CCSER1: variants seen among roughly 807,000 people sequenced by gnomAD.
CCSER1 encodes the protein serine-rich coiled-coil domain-containing protein 1.
CCSER1 carries 41 observed loss-of-function variants against 82.0 expected under a neutral mutation model. The ratio of observed to expected loss-of-function variants is 0.50; its 90% CI spans 0.39 to 0.65. The LOEUF is 0.65. Among genes scored for constraint, CCSER1 ranks in the 30% least tolerant of loss-of-function variants. The pLI, the probability that CCSER1 is intolerant of heterozygous loss-of-function variation, is 0.00. For missense variants in CCSER1, 1,119 were observed against 1,064.2 expected, an observed-to-expected ratio of 1.05 and a Z score of -0.72; for synonymous variants, 414 against 383.9, an observed-to-expected ratio of 1.08 and a Z score of -0.92.
chr4:91,462,900 C>A (rs1250911738), intron 10 of CCSER1, among the ~76,000 whole-genome samples: 1 of 152,256 alleles, frequency 6.6e-6, no homozygotes, highest in East Asian at 1.9e-4. Context: ...CTCAAGGAGG[C>A]CTGCCTACCT....
intron 8 of CCSER1, among the ~76,000 whole-genome samples, chr4:90,903,987 A>AT (rs33982537): frequency 1.3e-5 from 2 of 151,758 alleles, no homozygotes; most frequent in African/African-American, 2.4e-5. Context: ...AAAATTAATA[A>AT]TTTTTTTTGA....
intron 9 of CCSER1, among the ~76,000 whole-genome samples, chr4:90,993,043 A>G (rs547538206): frequency 1.3e-5 from 2 of 152,108 alleles, no homozygotes; most frequent in East Asian, 3.9e-4. Context: ...CACTGTAAAT[A>G]TACTGCTTAG....
In CCSER1 at chr4:91,602,552, T is replaced by TAAAG. The variant is rs1363430149; in HGVS notation, c.*3499_*3502dup. On this transcript the variant is annotated 3_prime_UTR_variant, in exon 11 of 11. Coordinates refer to ENST00000509176, the MANE Select transcript of CCSER1 (RefSeq NM_001145065.2). ...ATTCGTCATCATCAGCTTCTCATTA[T>TAAAG]AAAGAAATAGTAACCCATAGCAGTG... Among the ~76,000 whole-genome samples the TAAAG allele has an allele frequency of 1.3e-5, 2 of 152,048 alleles. No homozygotes were observed. Among genetic ancestry groups the TAAAG allele is most frequent in the African/African-American group, 4.8e-5 (2 of 41,448 alleles).
chr4:90,402,609 G>T (rs1038130450), intron 4 of CCSER1, among the ~76,000 whole-genome samples: 2 of 152,172 alleles, frequency 1.3e-5, no homozygotes, highest in South Asian at 4.2e-4. Flanking sequence ...TATATTTTTT[G>T]AAGATTTTCA....
At chr4:91,368,195 G>A (rs891209675) in intron 10 of CCSER1, among the ~76,000 whole-genome samples, 1 of 151,876 alleles carries the variant, frequency 6.6e-6, no homozygotes, top group African/African-American at 2.4e-5. Context: ...AAACTTTTAT[G>A]ATAACCATGT....
intron 9 of CCSER1, among the ~76,000 whole-genome samples, chr4:90,975,428 C>T (rs1735520266): frequency 6.6e-6 from 1 of 151,038 alleles, no homozygotes; most frequent in Non-Finnish European, 1.5e-5. Flanking sequence ...TCATATTGTG[C>T]ACCTTAAATA....
intron 9 of CCSER1, among the ~76,000 whole-genome samples, chr4:91,059,874 C>T (rs533590856): frequency 6.6e-6 from 1 of 152,150 alleles, no homozygotes; most frequent in Admixed American, 6.6e-5. Context: ...CTATTTCCAG[C>T]CTCTAAAAAT....
intron 5 of CCSER1, among the ~76,000 whole-genome samples, chr4:90,590,449 G>C (rs746602783): frequency 2.6e-5 from 4 of 151,920 alleles, no homozygotes; most frequent in African/African-American, 7.3e-5. Context: ...GTGTGGTGGC[G>C]TGCACCTGTA....
At chr4:91,087,180 G>A (rs979238423) in intron 10 of CCSER1, among the ~76,000 whole-genome samples, 6 of 151,988 alleles carry the variant, frequency 3.9e-5, no homozygotes, top group Non-Finnish European at 8.8e-5. Context: ...GTTTTCATCC[G>A]AGCAGTACTG....
chr4:90,551,678 TTCTC>T (rs71596530), intron 5 of CCSER1, among the ~76,000 whole-genome samples: 1,013 of 88,552 alleles, frequency 0.011, 24 homozygotes, highest in African/African-American at 0.036. Context: ...AAAAATATAA[TTCTC>T]TCTCTCTCTC....
intron 7 of CCSER1, among the ~76,000 whole-genome samples, chr4:90,812,702 G>T (rs1326866102): frequency 6.6e-6 from 1 of 152,160 alleles, no homozygotes; most frequent in South Asian, 2.1e-4. Context: ...TCACAATTCT[G>T]TGTGGCTGGA....
At chr4:91,284,737 C>T (rs1331975242) in intron 10 of CCSER1, among the ~76,000 whole-genome samples, 2 of 151,996 alleles carry the variant, frequency 1.3e-5, no homozygotes, top group African/African-American at 4.8e-5. Context: ...AATTGTCATG[C>T]CTAGCAATAA....
chr4:91,402,306 A>G lies in CCSER1; in HGVS notation c.2218-196266A>G, dbSNP rs142547527. On this transcript the variant is annotated intron_variant, in intron 10 of 10. Coordinates refer to ENST00000509176, the MANE Select transcript of CCSER1 (RefSeq NM_001145065.2). ...ATTCTGGAAATTAGCCTTTTGTCAG[A>G]TGGGTAGATTGTAAAAATTTTCTCC... 7.3e-3 allele frequency among the ~76,000 whole-genome samples: 1,104 copies of G among 152,238 alleles called. 20 individuals are homozygous for G. The highest frequency in any genetic ancestry group is 0.025 in the African/African-American group (1,045 of 41,528).
At chr4:90,909,558 T>A (rs1459468867) in intron 8 of CCSER1, among the ~76,000 whole-genome samples, 1 of 152,210 alleles carries the variant, frequency 6.6e-6, no homozygotes, top group Non-Finnish European at 1.5e-5. Flanking sequence ...GCAATTTGGA[T>A]GATATTTCCA....
intron 1 of CCSER1, among the ~76,000 whole-genome samples, chr4:90,233,728 AAAAG>A (rs1297176189): frequency 1.3e-5 from 2 of 151,980 alleles, no homozygotes; most frequent in East Asian, 3.9e-4. Flanking sequence ...AAAAAAAAAA[AAAAG>A]AGAAAATTAT....
chr4:90,618,482 C>A (rs913975586), intron 5 of CCSER1, among the ~76,000 whole-genome samples: 4 of 151,726 alleles, frequency 2.6e-5, no homozygotes, highest in African/African-American at 9.7e-5. Context: ...GTGCATTCTT[C>A]AAATGGCTAT....
intron 10 of CCSER1, among the ~76,000 whole-genome samples, chr4:91,450,139 G>A (rs563511470): frequency 3.3e-5 from 5 of 152,122 alleles, no homozygotes; most frequent in East Asian, 1.9e-4. Context: ...AGGATGGGTC[G>A]TCATGCTGTG....
intron 10 of CCSER1, among the ~76,000 whole-genome samples, chr4:91,498,644 T>A (rs1416727847): frequency 1.3e-5 from 2 of 151,824 alleles, no homozygotes; most frequent in Non-Finnish European, 2.9e-5. Flanking sequence ...TTTCTCTTTT[T>A]TATTTTGTAG....
chr4:91,477,615 A>G (rs893224257), intron 10 of CCSER1, among the ~76,000 whole-genome samples: 1 of 151,768 alleles, frequency 6.6e-6, no homozygotes, highest in African/African-American at 2.4e-5. Flanking sequence ...TTTCACATGT[A>G]TGTCAAGTTA....
Sources: gnomAD v4.1 joint callset for allele counts (sites outside exome capture counted in the v4.1 genomes callset) on GRCh38, gnomAD v4.1.1 for gene constraint, MANE v1.5 for transcripts, NCBI Gene and HGNC (gene_info 2026-07-23, HGNC 2026-07-21) for gene names.